The following APP variants were observed in gnomAD, a reference collection of about 807,000 sequenced individuals.
APP encodes the protein amyloid-beta precursor protein.
In APP, 31 loss-of-function variants were observed where a neutral mutation model predicts 101.4. That is an observed-to-expected ratio of 0.31 (90% confidence interval 0.23 to 0.41). The LOEUF (loss-of-function observed/expected upper bound fraction) is 0.41. Among genes scored for constraint, APP ranks in the 10% least tolerant of loss-of-function variants. The pLI, the probability that APP is intolerant of heterozygous loss-of-function variation, is 1.00. For missense variants in APP, 839 were observed against 1,003.7 expected (o/e 0.84, Z 2.22); for synonymous variants, 366 against 364.4 (o/e 1.00, Z -0.05).
chr21:25,907,530 C>A (rs926898623), intron 14 of APP, among the ~76,000 whole-genome samples: 1 of 152,108 alleles, frequency 6.6e-6, no homozygotes, highest in Non-Finnish European at 1.5e-5. Flanking sequence ...AATTTAAAAA[C>A]AAGAAATACA....
intron 17 of APP, among the ~76,000 whole-genome samples, chr21:25,883,212 G>C (rs1433874274): frequency 1.3e-5 from 2 of 152,138 alleles, no homozygotes; most frequent in Non-Finnish European, 2.9e-5. Flanking sequence ...AGACCAGCCT[G>C]GCCAACATGG....
intron 1 of APP, among the ~76,000 whole-genome samples, chr21:26,152,397 T>C (rs1045567592): frequency 2.7e-5 from 4 of 150,568 alleles, no homozygotes; most frequent in Non-Finnish European, 5.9e-5. Flanking sequence ...CACAACTACA[T>C]AGCTCCAGTT....
chr21:25,990,816 C>T (rs2042831546), intron 8 of APP, among the ~76,000 whole-genome samples: 1 of 151,970 alleles, frequency 6.6e-6, no homozygotes, highest in African/African-American at 2.4e-5. Context: ...ATAGCCAGTA[C>T]TCAGATTCCT....
intron 1 of APP, among the ~76,000 whole-genome samples, chr21:26,159,920 GAAGA>G (rs1195511731): frequency 2.0e-5 from 3 of 152,084 alleles, no homozygotes; most frequent in Non-Finnish European, 4.4e-5. Flanking sequence ...TAGCAAATAC[GAAGA>G]AAGGAACTAC....
chr21:25,981,176 GT>G (rs1189918854), intron 9 of APP, among the ~76,000 whole-genome samples: 2 of 152,134 alleles, frequency 1.3e-5, no homozygotes, highest in African/African-American at 4.8e-5. Flanking sequence ...TCTTCCTGGG[GT>G]CAGCAGGGAC....
chr21:26,072,717 T>G (rs955027001), intron 3 of APP, among the ~76,000 whole-genome samples: 3 of 152,204 alleles, frequency 2.0e-5, no homozygotes, highest in Non-Finnish European at 4.4e-5. Flanking sequence ...CAGGTTGATT[T>G]CTGCATCAAT....
intron 1 of APP, among the ~76,000 whole-genome samples, chr21:26,143,618 C>A (rs1425611641): frequency 6.6e-6 from 1 of 152,090 alleles, no homozygotes; most frequent in Non-Finnish European, 1.5e-5. Context: ...GTGTACAATT[C>A]ACTATTATTA....
intron 8 of APP, among the ~76,000 whole-genome samples, chr21:25,996,383 G>C (rs9983719): frequency 6.8e-6 from 1 of 146,454 alleles, no homozygotes; most frequent in African/African-American, 2.5e-5. Context: ...TGAAATCTGC[G>C]TGTACGAATT....
At chr21:26,007,420 A>T (rs1047315357) in intron 6 of APP, among the ~76,000 whole-genome samples, 2 of 147,442 alleles carry the variant, frequency 1.4e-5, no homozygotes, top group Admixed American at 6.8e-5. Flanking sequence ...TTATAAATAT[A>T]ATTTATGTAT....
intron 13 of APP, among the ~76,000 whole-genome samples, chr21:25,946,202 C>G (rs760550545): frequency 1.9e-4 from 29 of 152,008 alleles, no homozygotes; most frequent in Non-Finnish European, 3.4e-4. Context: ...GTAACTGCCA[C>G]AAAAGAAAAA....
intron 17 of APP, among the ~76,000 whole-genome samples, chr21:25,891,192 G>C (rs1299109345): frequency 6.6e-6 from 1 of 151,384 alleles, no homozygotes; most frequent in East Asian, 1.9e-4. Context: ...ATGTTTTGGT[G>C]GGCCATTTGG....
At chr21:25,907,829 G>C (rs1462978140) in intron 14 of APP, among the ~76,000 whole-genome samples, 1 of 152,214 alleles carries the variant, frequency 6.6e-6, no homozygotes, top group Non-Finnish European at 1.5e-5. Context: ...TGGTTTGTAA[G>C]TTTAATGAAA....
intron 17 of APP, among the ~76,000 whole-genome samples, chr21:25,889,691 A>T (rs376681842): frequency 8.5e-4 from 130 of 152,236 alleles, no homozygotes; most frequent in Middle Eastern, 6.8e-3. Context: ...AAATACAAAA[A>T]TTAGCCAGGC....
intron 6 of APP, among the ~76,000 whole-genome samples, chr21:26,018,737 T>G (rs1199069235): frequency 6.6e-6 from 1 of 152,218 alleles, no homozygotes; most frequent in Non-Finnish European, 1.5e-5. Context: ...ACAGTTGCTA[T>G]CTCTCAATGA....
At chr21:26,025,809 G>A (rs1164570551) in intron 5 of APP, among the ~76,000 whole-genome samples, 1 of 152,214 alleles carries the variant, frequency 6.6e-6, no homozygotes, top group Non-Finnish European at 1.5e-5. Context: ...TCAGGTCCAA[G>A]TTCTTATTAC....
At chr21:26,103,840 C>T (rs2062119761) in intron 2 of APP, among the ~76,000 whole-genome samples, 1 of 152,174 alleles carries the variant, frequency 6.6e-6, no homozygotes, top group African/African-American at 2.4e-5. Context: ...GGCATGATCC[C>T]TAGAAATGTT....
chr21:26,111,782 G>A (rs553714635), intron 2 of APP, among the ~76,000 whole-genome samples, 197 bp downstream of exon 2: 5 of 152,052 alleles, frequency 3.3e-5, no homozygotes, highest in South Asian at 2.1e-4. Flanking sequence ...GTCATAATAC[G>A]ACATCATAAT....
At chr21:26,120,882 T>C (rs907157294) in intron 1 of APP, among the ~76,000 whole-genome samples, 4 of 152,174 alleles carry the variant, frequency 2.6e-5, no homozygotes, top group Non-Finnish European at 1.5e-5. Flanking sequence ...GCAAAGGACA[T>C]GCAAATTTCA....
At chr21:26,135,319 G>A (rs1387592034) in intron 1 of APP, among the ~76,000 whole-genome samples, 1 of 152,172 alleles carries the variant, frequency 6.6e-6, no homozygotes. Context: ...GGGTATGGGG[G>A]TTGAAAACAG....
Sources: gnomAD v4.1 joint callset for allele counts (sites outside exome capture counted in the v4.1 genomes callset) on GRCh38, gnomAD v4.1.1 for gene constraint, MANE v1.5 for transcripts, NCBI Gene and HGNC (gene_info 2026-07-23, HGNC 2026-07-21) for gene names.